Variants in VASH2 observed in about 807,000 individuals in gnomAD.
The protein encoded by VASH2 is tubulinyl-Tyr carboxypeptidase 2.
VASH2 carries 28 observed loss-of-function variants against 37.2 expected under a neutral mutation model. That is an observed-to-expected ratio of 0.75 (90% CI 0.56 to 1.03). The LOEUF (loss-of-function observed/expected upper bound fraction) is 1.03, where lower values mean the gene tolerates loss of function less well. VASH2 is among the 50% of genes least tolerant of loss of function. The probability of loss-of-function intolerance (pLI) is 0.00; values close to 1 mark genes in which losing one functional copy is unlikely to be tolerated. For synonymous variants in VASH2, 188 were observed against 174.7 expected (o/e 1.08, Z -0.60); for missense variants, 419 against 459.1 (o/e 0.91, Z 0.80).
chr1:212,985,871 C>T (rs959727337), intron 7 of VASH2, among the ~76,000 whole-genome samples: 1 of 152,246 alleles, frequency 6.6e-6, no homozygotes, highest in Non-Finnish European at 1.5e-5. Context: ...GTAAATCTCA[C>T]TGGCTACAAC....
chr1:212,973,790 G>A, intron 6 of VASH2, 165 bp from the exon 7 acceptor site: 7 of 1,403,846 alleles, frequency 5.0e-6, no homozygotes, highest in Non-Finnish European at 6.5e-6. Flanking sequence ...GACGAGAGAG[G>A]AATGTGTGTG....
At chr1:212,965,840 CT>C in intron 4 of VASH2, 62 bp downstream of exon 4, 2 of 1,435,480 alleles carry the variant, frequency 1.4e-6, no homozygotes, top group South Asian at 2.5e-5. Context: ...TGCCAGCTTC[CT>C]CTCCCAACCT....
In VASH2 at chr1:212,951,804, G is replaced by C. The variant is rs1223426011; in HGVS notation, c.262G>C (p.Ala88Pro). The change falls in exon 2 of 8, where the codon GCC becomes CCC. Residue 88 changes from alanine to proline, a missense_variant. Around this residue, in one of 3 missense-constraint regions of VASH2, gnomAD observed 158 missense variants for 163.0 expected, o/e 0.97. Transcript: ENST00000517399. The surrounding 1 kb of genome is among the most constrained non-coding windows in gnomAD (Gnocchi z 4.4). ...GEMVGAIRNA[A>P]FLAKPSIPQV... The stretch of plus-strand genomic sequence containing the variant: ...AATGGTGGGCGCCATCAGGAACGCC[G>C]CCTTCTTGGCAAAGGTCAGTGGCTT... 2 of 1,604,948 alleles carry C rather than the reference G, an allele frequency of 1.2e-6. No individual in the cohort carries two copies. Among genetic ancestry groups the C allele is most frequent in the Non-Finnish European group, 8.5e-7 (1 of 1,177,914 alleles).
chr1:212,951,027 G>A lies in VASH2; in HGVS notation c.-205+287G>A, dbSNP rs1440387118. 6.6e-6 allele frequency among the ~76,000 whole-genome samples: 1 copy of A among 152,210 alleles called. No homozygotes were observed. The highest frequency in any genetic ancestry group is 1.5e-5 in the Non-Finnish European group (1 of 68,034). ...GACCCAGGAATGTGTGGAGCCTTGC[G>A]GGAACCTCCTGTTCCTTCATGCTAC... On this transcript the variant is annotated intron_variant, in intron 1 of 7. Transcript: ENST00000517399. This position sits in a 1 kb window ranked among gnomAD's most constrained non-coding sequence, Gnocchi z 4.4.
rs145299792 is a variant in VASH2 at position 212,974,057 on chromosome 1, C to T, written c.982C>T (p.Arg328Trp). 1.3e-4 allele frequency: 205 copies of T among 1,612,666 alleles called. 1 individual carries two copies. The African/African-American group carries it at 1.3e-3, about 10-fold the overall frequency. Residue 328 changes from arginine to tryptophan, a missense_variant, in exon 7 of 8, where the codon CGG becomes TGG. Physicochemically the swap from Arg to Trp is moderately radical, Grantham distance 101 (BLOSUM62 -3). This residue lies in a region of VASH2 where 177 missense variants were observed against 166.2 expected (regional missense o/e 1.06). Coordinates refer to ENST00000517399, the MANE Select transcript of VASH2 (RefSeq NM_001301056.2). ...RQASPPRRLG[R>W]REKSPALPEK... is the part of the protein sequence containing the mutation. The stretch of plus-strand genomic sequence containing the variant: ...GGCAAGCCCCCCGAGGAGGCTCGGC[C>T]GGCGAGAGAAGTCGTGAGTAATATT...
At position 212,989,730 on chromosome 1, in the gene VASH2, ACT is replaced by A. The variant is rs1491410869; in HGVS notation, c.*1147_*1148del. ...AAATATAAAGAATTAGAAAAGCAGC[ACT>A]TTTTTTTTAATGGAAAAGTCTTCGG... On this transcript the variant is annotated 3_prime_UTR_variant, in exon 8 of 8. Transcript: ENST00000517399. 1 of 151,880 alleles carries A rather than the reference ACT, an allele frequency of 6.6e-6. No homozygotes were observed. The highest frequency in any genetic ancestry group is 1.5e-5 in the Non-Finnish European group (1 of 67,980). 9.4% of individuals were successfully genotyped at this position (151,880 alleles called of 1,614,324 possible).
At chr1:212,972,557 T>G in intron 5 of VASH2, 23 bp from the exon 6 acceptor site, 1 of 1,596,842 alleles carries the variant, frequency 6.3e-7, no homozygotes, top group Non-Finnish European at 8.5e-7. Flanking sequence ...CTCCTTTCTC[T>G]TCCTTGACTC....
Position 212,963,653 on chromosome 1 carries a change from G to A in VASH2, c.366-2069G>A, listed in dbSNP as rs544834902. Among the ~76,000 whole-genome samples, 274 of 152,138 alleles carry A rather than the reference G, an allele frequency of 1.8e-3. 1 individual carries two copies. The highest frequency in any genetic ancestry group is 2.1e-3 in the Non-Finnish European group (141 of 68,000). On this transcript the variant is annotated intron_variant, in intron 3 of 7. Coordinates refer to ENST00000517399, the MANE Select transcript of VASH2 (RefSeq NM_001301056.2). ...GGAGAAGCCTTCTAACAGCAAATTC[G>A]GGCTCAGTGAGTATCTCCCACTCAG...
At chr1:212,986,501 T>C (rs974836854) in intron 7 of VASH2, among the ~76,000 whole-genome samples, 15 of 152,322 alleles carry the variant, frequency 9.8e-5, no homozygotes, top group Non-Finnish European at 1.5e-4. Flanking sequence ...GTAAGAACCC[T>C]AGTTCTGTCC....
chr1:212,953,168 C>A (rs1479325746), intron 2 of VASH2, among the ~76,000 whole-genome samples: 1 of 152,164 alleles, frequency 6.6e-6, no homozygotes, highest in Non-Finnish European at 1.5e-5. Flanking sequence ...CTTAGTAGCA[C>A]CCGTACCAAC....
intron 3 of VASH2, among the ~76,000 whole-genome samples, chr1:212,964,746 C>T (rs1469940606): frequency 2.6e-5 from 4 of 152,158 alleles, no homozygotes; most frequent in African/African-American, 9.7e-5. Flanking sequence ...AGCCCTACTG[C>T]TAACAATCCA....
chr1:212,974,007 A>T lies in VASH2; in HGVS notation c.932A>T (p.Lys311Ile). ...HSPTQVRSRG[K>I]SLSPRRRQAS... is the part of the protein sequence containing the mutation. ...CCGACCCAAGTGAGAAGCCGGGGAAAATCCCTGTCCCCCAGAAGGAGACAG... is the reference window on the plus strand; with the variant it reads ...CCGACCCAAGTGAGAAGCCGGGGAATATCCCTGTCCCCCAGAAGGAGACAG... Residue 311 changes from lysine to isoleucine, a missense_variant, in exon 7 of 8, where the codon AAA becomes ATA. By Grantham distance (102) the Lys-to-Ile change is moderately radical (BLOSUM62 -3). Transcript: ENST00000517399. The T allele has an allele frequency of 1.9e-6, 3 of 1,613,888 alleles. No homozygotes were observed. The African/African-American group carries it at 4.0e-5, about 22-fold the overall frequency.
At chr1:212,964,425 G>A (rs1666774177) in intron 3 of VASH2, among the ~76,000 whole-genome samples, 1 of 152,200 alleles carries the variant, frequency 6.6e-6, no homozygotes, top group African/African-American at 2.4e-5. Flanking sequence ...CCTTCCCGAT[G>A]TGCACTTTTC....
At chr1:212,978,353 A>G (rs1667240367) in intron 7 of VASH2, among the ~76,000 whole-genome samples, 1 of 152,212 alleles carries the variant, frequency 6.6e-6, no homozygotes, top group Non-Finnish European at 1.5e-5. Flanking sequence ...CTGCCAGCAC[A>G]TCAGAGTGGG....
intron 7 of VASH2, among the ~76,000 whole-genome samples, chr1:212,985,836 A>T (rs1190548034): frequency 6.6e-6 from 1 of 152,224 alleles, no homozygotes; most frequent in East Asian, 1.9e-4. Context: ...GACGTGTCCT[A>T]CTAACTGCCA....
At chr1:212,981,124 A>G (rs1667326429) in intron 7 of VASH2, among the ~76,000 whole-genome samples, 1 of 152,252 alleles carries the variant, frequency 6.6e-6, no homozygotes, top group African/African-American at 2.4e-5. Context: ...AAGTGACATC[A>G]GAGCCTGGAA....
chr1:212,965,836 C>A, intron 4 of VASH2, 58 bp downstream of exon 4: 1 of 1,469,098 alleles, frequency 6.8e-7, no homozygotes, highest in Non-Finnish European at 9.3e-7. Context: ...GAGCTGCCAG[C>A]TTCCTCTCCC....
chr1:212,983,517 C>G (rs563785385), intron 7 of VASH2, among the ~76,000 whole-genome samples: 1 of 149,698 alleles, frequency 6.7e-6, no homozygotes, highest in Non-Finnish European at 1.5e-5. Context: ...GTGATGCCCC[C>G]GGATCCACAC....
chr1:212,984,613 G>A (rs1302864301), intron 7 of VASH2, among the ~76,000 whole-genome samples: 2 of 152,130 alleles, frequency 1.3e-5, no homozygotes, highest in Admixed American at 1.3e-4. Flanking sequence ...AAGGAGGAGA[G>A]GTGTGACTTG....
Sources: allele counts gnomAD v4.1 joint callset (sites outside exome capture counted in the v4.1 genomes callset), GRCh38; gene constraint gnomAD v4.1.1; regional missense constraint gnomAD v4.1.1; non-coding constraint Gnocchi (gnomAD v3.1); transcripts MANE v1.5; gene names NCBI Gene and HGNC (gene_info 2026-07-23, HGNC 2026-07-21).